The following C9orf43 variants were observed in gnomAD, a reference collection of about 807,000 sequenced individuals.
C9orf43 encodes uncharacterized protein C9orf43.
C9orf43 carries 45 observed loss-of-function variants against 59.1 expected under a neutral mutation model. The ratio of observed to expected loss-of-function variants is 0.76; its 90% CI spans 0.60 to 0.98. The LOEUF is 0.98. Among genes scored for constraint, C9orf43 ranks in the 50% least tolerant of loss-of-function variants. C9orf43 has a pLI of 0.00. For missense variants in C9orf43, 533 were observed against 554.9 expected (o/e 0.96, Z 0.40); for synonymous variants, 203 against 196.8 (o/e 1.03, Z -0.26).
chr9:113,419,802 T>C (rs963141239), intron 4 of C9orf43, among the ~76,000 whole-genome samples: 3 of 152,160 alleles, frequency 2.0e-5, no homozygotes, highest in Non-Finnish European at 4.4e-5. Flanking sequence ...GAAACTGAGA[T>C]GGGTAGTGAT....
intron 3 of C9orf43, among the ~76,000 whole-genome samples, chr9:113,417,754 C>G (rs557041588): frequency 2.0e-4 from 30 of 152,254 alleles, no homozygotes; most frequent in African/African-American, 6.5e-4. Flanking sequence ...GAAATTGTGT[C>G]TGTATCAGGA....
intron 9 of C9orf43, 134 bp downstream of exon 9, chr9:113,425,210 A>G (rs1828742715): frequency 2.0e-6 from 3 of 1,469,360 alleles, no homozygotes; most frequent in Non-Finnish European, 2.8e-6. Flanking sequence ...CTCAGGAAAC[A>G]ATAGTTTCAG....
In C9orf43 at chr9:113,423,218, C is replaced by T. The variant is rs752161642; in HGVS notation, c.484-108C>T. ...GCCCTCATCGTTCAGAGGAGGCAAC[C>T]ATGGCTGGAGTACATGCCAGGGTAG... On this transcript the variant is annotated intron_variant, in intron 6 of 13. Transcript: ENST00000374165. 376 of 1,091,408 alleles carry T rather than the reference C, an allele frequency of 3.4e-4. 2 individuals are homozygous for T. The highest frequency in any genetic ancestry group is 7.9e-5 in the Non-Finnish European group (60 of 763,596). The allele number at this position is 1,091,408 out of a possible 1,614,324, so 67.6% of individuals were successfully genotyped here.
intron 4 of C9orf43, chr9:113,420,603 A>G (rs567602090): frequency 1.5e-5 from 3 of 195,904 alleles, no homozygotes; most frequent in Admixed American, 6.5e-5. Flanking sequence ...CTTGAGCACT[A>G]TGTTCTAGGA....
chr9:113,413,707 C>G, intron 2 of C9orf43, 52 bp from the exon 3 acceptor site: 1 of 1,611,292 alleles, frequency 6.2e-7, no homozygotes, highest in Non-Finnish European at 8.5e-7. Flanking sequence ...GTATGTGGCT[C>G]CCTTTCTCCA....
At chr9:113,421,226 A>G in intron 5 of C9orf43, 23 bp downstream of exon 5, 1 of 1,545,608 alleles carries the variant, frequency 6.5e-7, no homozygotes, top group Non-Finnish European at 8.9e-7. Flanking sequence ...TCTGGAACTC[A>G]GAGGACTTTG....
At position 113,410,819 on chromosome 9, in the gene C9orf43, C is replaced by G. The variant is rs780474543; in HGVS notation, c.-232C>G. 26 of 481,532 alleles carry G rather than the reference C, an allele frequency of 5.4e-5. No homozygotes were observed. Among genetic ancestry groups the G allele is most frequent in the Non-Finnish European group, 6.9e-5 (25 of 364,680 alleles). The allele number at this position is 481,532 out of a possible 1,614,324, so 29.8% of individuals were successfully genotyped here. A position where few individuals can be genotyped will look rare whatever the true frequency, so the allele number is the denominator to read the frequency against. On this transcript the variant is annotated 5_prime_UTR_variant, in exon 1 of 14. Coordinates refer to ENST00000374165, the MANE Select transcript of C9orf43 (RefSeq NM_001278629.2). ...CGCCGCAAGGGGCCACGTTTTACCA[C>G]TTGATTTAGCAACCCTAAGCGGTTT...
intron 3 of C9orf43, among the ~76,000 whole-genome samples, chr9:113,414,240 G>A (rs550110143): frequency 7.2e-5 from 11 of 152,070 alleles, no homozygotes; most frequent in Non-Finnish European, 1.2e-4. Flanking sequence ...CTCTTGGTTT[G>A]TAGATGGTAA....
intron 1 of C9orf43, among the ~76,000 whole-genome samples, chr9:113,413,002 C>T (rs1375461156): frequency 6.6e-6 from 1 of 152,210 alleles, no homozygotes; most frequent in Non-Finnish European, 1.5e-5. Flanking sequence ...CTACTTTGGT[C>T]ATAATTTGAT....
chr9:113,429,184 A>G lies in C9orf43; in HGVS notation c.1184A>G (p.Tyr395Cys), dbSNP rs774509229. 18 of 1,614,024 alleles carry G rather than the reference A, an allele frequency of 1.1e-5. No homozygotes were observed. Among genetic ancestry groups the G allele is most frequent in the Admixed American group, 1.0e-4 (6 of 60,008 alleles). ...FHHSVKSPEL[Y>C]ETEPTNKDIS... is the part of the protein sequence containing the mutation. ...CATCTTCTTTTAGGTCCTGAATTGTATGAAACAGAACCCACTAACAAGGAC... is the reference window on the plus strand; with the variant it reads ...CATCTTCTTTTAGGTCCTGAATTGTGTGAAACAGAACCCACTAACAAGGAC... The change falls in exon 14 of 14, where the codon TAT becomes TGT. Residue 395 changes from tyrosine to cysteine, a missense_variant. Transcript: ENST00000374165.
intron 1 of C9orf43, 82 bp from the exon 2 acceptor site, chr9:113,413,363 T>C: frequency 7.8e-7 from 1 of 1,286,644 alleles, no homozygotes; most frequent in Non-Finnish European, 1.0e-6. Flanking sequence ...TAGAAATATT[T>C]TATACTGTGA....
At chr9:113,421,254 T>G in intron 5 of C9orf43, 51 bp downstream of exon 5, 1 of 1,342,742 alleles carries the variant, frequency 7.4e-7, no homozygotes, top group Non-Finnish European at 1.1e-6. Flanking sequence ...AAATCCCTGA[T>G]GTCTTCTGCA....
At chr9:113,414,529 C>A (rs973532429) in intron 3 of C9orf43, among the ~76,000 whole-genome samples, 1 of 151,934 alleles carries the variant, frequency 6.6e-6, no homozygotes, top group Non-Finnish European at 1.5e-5. Context: ...AAGTGATCCT[C>A]CTGCCTTGGC....
At chr9:113,416,066 C>G (rs1026237099) in intron 3 of C9orf43, among the ~76,000 whole-genome samples, 14 of 152,186 alleles carry the variant, frequency 9.2e-5, no homozygotes, top group Non-Finnish European at 1.9e-4. Flanking sequence ...CTCCTCTAGT[C>G]ATTTCCCTGT....
intron 8 of C9orf43, among the ~76,000 whole-genome samples, chr9:113,424,803 G>A (rs1828720645): frequency 6.6e-6 from 1 of 152,146 alleles, no homozygotes; most frequent in South Asian, 2.1e-4. Context: ...TGGGATTACA[G>A]GCATGAGCCA....
At chr9:113,424,120 G>T in intron 7 of C9orf43, 46 bp from the exon 8 acceptor site, 1 of 1,535,612 alleles carries the variant, frequency 6.5e-7, no homozygotes, top group Non-Finnish European at 8.7e-7. Flanking sequence ...CATGCTTTCC[G>T]GGAAGAGCTG....
chr9:113,424,459 C>T, intron 8 of C9orf43, 143 bp downstream of exon 8: 2 of 787,946 alleles, frequency 2.5e-6, no homozygotes, highest in Non-Finnish European at 4.0e-6. Context: ...AGGCTGGGCT[C>T]TATGTATGTA....
chr9:113,424,241 T>G lies in C9orf43; in HGVS notation c.732T>G (p.Leu244=). Residue 244 remains leucine, a synonymous_variant, in exon 8 of 14, where the codon CTT becomes CTG. Coordinates refer to ENST00000374165, the MANE Select transcript of C9orf43 (RefSeq NM_001278629.2). ...AATTGGCCATGATGAAAAAGAATCTTCCCTTGGAAAAGAACCGACCTGACA... is the reference window on the plus strand; with the variant it reads ...AATTGGCCATGATGAAAAAGAATCTGCCCTTGGAAAAGAACCGACCTGACA... ...KIKLAMMKKN[L]PLEKNRPDSV... The G allele has an allele frequency of 6.2e-7, 1 of 1,614,040 alleles. No homozygotes were observed. Among genetic ancestry groups the G allele is most frequent in the African/African-American group, 1.3e-5 (1 of 75,036 alleles).
Position 113,423,376 on chromosome 9 carries a change from A to T in C9orf43, c.534A>T (p.Arg178=), listed in dbSNP as rs751920280. 6.2e-7 allele frequency: 1 copy of T among 1,614,054 alleles called. No individual in the cohort carries two copies. The highest frequency in any genetic ancestry group is 1.3e-5 in the African/African-American group (1 of 74,942). ...GLSGNQSAGT[R]VGTPGMIVPP... is the part of the protein sequence containing the mutation. The stretch of plus-strand genomic sequence containing the variant: ...CTGGAAATCAGTCCGCAGGAACACG[A>T]GTAGGAACACCAGGGATGATCGTGC... The change falls in exon 7 of 14, where the codon CGA becomes CGT. Residue 178 remains arginine (R), a synonymous_variant. Transcript: ENST00000374165.
Sources: gnomAD v4.1 joint callset for allele counts (sites outside exome capture counted in the v4.1 genomes callset) on GRCh38, gnomAD v4.1.1 for gene constraint, MANE v1.5 for transcripts, NCBI Gene and HGNC (gene_info 2026-07-23, HGNC 2026-07-21) for gene names.